The following PLCB1 variants were observed in gnomAD, a reference collection of about 807,000 sequenced individuals.
PLCB1 encodes the protein phospholipase C beta 1, also known as 1-phosphatidylinositol 4,5-bisphosphate phosphodiesterase beta-1.
Under a neutral mutation model 161.8 loss-of-function variants are expected in PLCB1, and 46 were observed. The observed-to-expected ratio is 0.28, with a 90% CI of 0.22 to 0.36. The LOEUF (loss-of-function observed/expected upper bound fraction) is 0.36. PLCB1 is among the 10% of genes least tolerant of loss of function. PLCB1 has a pLI of 1.00. For missense variants in PLCB1, 1,016 were observed against 1,472.5 expected, an observed-to-expected ratio of 0.69 and a Z score of 5.07; for synonymous variants, 517 against 503.7, an observed-to-expected ratio of 1.03 and a Z score of -0.35.
chr20:8,277,418 G>T (rs73895724), intron 2 of PLCB1, among the ~76,000 whole-genome samples: 1 of 151,864 alleles, frequency 6.6e-6, no homozygotes, highest in Middle Eastern at 3.4e-3. Context: ...CAACATAAAT[G>T]CTACTCTAAT....
chr20:8,814,951 C>T lies in PLCB1; in HGVS notation c.3423+24690C>T, dbSNP rs76959534. 3.9e-3 allele frequency among the ~76,000 whole-genome samples: 601 copies of T among 152,244 alleles called. 5 individuals are homozygous for T. The highest frequency in any genetic ancestry group is 0.014 in the African/African-American group (572 of 41,554). ...CCGTCTTTTTGCTTTTCTTAGCAAACAGATTCCCCAATGAGCAGACTTGAT... is the reference window on the plus strand; with the variant it reads ...CCGTCTTTTTGCTTTTCTTAGCAAATAGATTCCCCAATGAGCAGACTTGAT... On this transcript the variant is annotated intron_variant, in intron 31 of 31. Coordinates refer to ENST00000338037, the MANE Select transcript of PLCB1 (RefSeq NM_015192.4).
chr20:8,532,545 T>C (rs1372097540), intron 3 of PLCB1, among the ~76,000 whole-genome samples: 1 of 152,330 alleles, frequency 6.6e-6, no homozygotes, highest in African/African-American at 2.4e-5. Flanking sequence ...TTCCAGGAGC[T>C]AAATATGGTA....
At chr20:8,619,416 CTAAAAAGAAAAA>C (rs907616911) in intron 3 of PLCB1, among the ~76,000 whole-genome samples, 1 of 145,974 alleles carries the variant, frequency 6.9e-6, no homozygotes, top group Non-Finnish European at 1.5e-5. Context: ...AAGACTCTGT[CTAAAAAGAAAAA>C]AAAAAAGAAA....
intron 16 of PLCB1, among the ~76,000 whole-genome samples, chr20:8,725,341 C>G (rs1248409240): frequency 6.6e-6 from 1 of 152,094 alleles, no homozygotes; most frequent in African/African-American, 2.4e-5. Flanking sequence ...CAAAAGGGTT[C>G]TTTTATGAAA....
intron 1 of PLCB1, among the ~76,000 whole-genome samples, chr20:8,144,866 G>A (rs540860930): frequency 3.9e-5 from 6 of 152,200 alleles, no homozygotes; most frequent in Non-Finnish European, 5.9e-5. Context: ...TAGTTTAGAC[G>A]TGCATGCCTC....
intron 3 of PLCB1, among the ~76,000 whole-genome samples, chr20:8,512,728 A>T (rs1483210568): frequency 6.6e-6 from 1 of 152,170 alleles, no homozygotes; most frequent in Non-Finnish European, 1.5e-5. Context: ...AATTTGATAC[A>T]TGTATACATT....
At chr20:8,810,241 T>C (rs1984746172) in intron 31 of PLCB1, among the ~76,000 whole-genome samples, 1 of 152,094 alleles carries the variant, frequency 6.6e-6, no homozygotes, top group South Asian at 2.1e-4. Context: ...ACCTGTGAGG[T>C]TTAAAATTCA....
chr20:8,725,229 A>G (rs1600278534), intron 16 of PLCB1, among the ~76,000 whole-genome samples: 4 of 152,310 alleles, frequency 2.6e-5, no homozygotes, highest in South Asian at 2.1e-4. Context: ...TCACATGTAT[A>G]TATTTAGAAG....
At position 8,565,057 on chromosome 20, in the gene PLCB1, G is replaced by A. The variant is rs1474444906; in HGVS notation, c.247-63237G>A. Among the ~76,000 whole-genome samples the A allele has an allele frequency of 2.6e-5, 4 of 152,006 alleles. 1 individual carries two copies. Among genetic ancestry groups the A allele is most frequent in the South Asian group, 4.2e-4 (2 of 4,814 alleles). ...GCACATGTATGTTTATTACGGCAGT[G>A]TTCACAATAGCAAAGACTTGGAACC... On this transcript the variant is annotated intron_variant, in intron 3 of 31. Coordinates refer to ENST00000338037, the MANE Select transcript of PLCB1 (RefSeq NM_015192.4).
chr20:8,288,670 G>A (rs758242646), intron 2 of PLCB1, among the ~76,000 whole-genome samples: 1 of 152,044 alleles, frequency 6.6e-6, no homozygotes, highest in East Asian at 1.9e-4. Flanking sequence ...TTCAGAGAAC[G>A]GTAGAGGTGC....
chr20:8,565,621 C>T (rs1986307074), intron 3 of PLCB1, among the ~76,000 whole-genome samples: 1 of 151,856 alleles, frequency 6.6e-6, no homozygotes. Flanking sequence ...ATCTGTTTAA[C>T]CAACAGCTTT....
intron 3 of PLCB1, among the ~76,000 whole-genome samples, chr20:8,577,781 TC>T (rs1986721922): frequency 6.6e-6 from 1 of 152,206 alleles, no homozygotes; most frequent in Non-Finnish European, 1.5e-5. Flanking sequence ...CCTTTATTTT[TC>T]TCCCCTTTCT....
chr20:8,765,002 A>G, intron 25 of PLCB1, 137 bp from the exon 26 acceptor site: 1 of 668,804 alleles, frequency 1.5e-6, no homozygotes, highest in Non-Finnish European at 2.6e-6. Context: ...GAACCCAGGT[A>G]GAGCTGACAT....
chr20:8,456,979 A>G (rs565733765), intron 3 of PLCB1, among the ~76,000 whole-genome samples: 22 of 152,240 alleles, frequency 1.4e-4, no homozygotes, highest in Non-Finnish European at 2.4e-4. Context: ...TGAATTTTGG[A>G]TTGGGACATA....
intron 3 of PLCB1, among the ~76,000 whole-genome samples, chr20:8,439,174 G>A (rs889031595): frequency 6.6e-6 from 1 of 152,116 alleles, no homozygotes; most frequent in Non-Finnish European, 1.5e-5. Context: ...ACAGTCGATG[G>A]AGTGCAAATT....
intron 26 of PLCB1, among the ~76,000 whole-genome samples, chr20:8,773,026 A>T (rs6133619): frequency 0.32 from 49,346 of 152,182 alleles, 8,576 homozygotes; most frequent in East Asian, 0.5. Flanking sequence ...GAGGAGCCTT[A>T]TAGAATGTCC....
intron 2 of PLCB1, among the ~76,000 whole-genome samples, chr20:8,368,837 A>G (rs1481966269): frequency 6.6e-6 from 1 of 152,018 alleles, no homozygotes; most frequent in African/African-American, 2.4e-5. Context: ...TTCTACCCGC[A>G]ATTTCCTCTC....
At chr20:8,476,519 T>C (rs923441411) in intron 3 of PLCB1, among the ~76,000 whole-genome samples, 1 of 152,232 alleles carries the variant, frequency 6.6e-6, no homozygotes, top group Non-Finnish European at 1.5e-5. Context: ...CTTAAGTGCT[T>C]CAGATACTAT....
At chr20:8,200,900 A>T (rs953434276) in intron 2 of PLCB1, among the ~76,000 whole-genome samples, 2 of 152,098 alleles carry the variant, frequency 1.3e-5, no homozygotes, top group African/African-American at 2.4e-5. Flanking sequence ...ACAGATTAAG[A>T]TCTGTTCCCT....
Sources: gnomAD v4.1 joint callset for allele counts (sites outside exome capture counted in the v4.1 genomes callset) on GRCh38, gnomAD v4.1.1 for gene constraint, MANE v1.5 for transcripts, NCBI Gene and HGNC (gene_info 2026-07-23, HGNC 2026-07-21) for gene names.